XKR9: variants seen among roughly 807,000 people sequenced by gnomAD.
XKR9 encodes the protein XK-related protein 9.
XKR9 carries 32 observed loss-of-function variants against 32.0 expected under a neutral mutation model. The ratio of observed to expected loss-of-function variants is 1.00; its 90% CI spans 0.76 to 1.34. The LOEUF (loss-of-function observed/expected upper bound fraction) is 1.34. Among genes scored for constraint, XKR9 ranks in the 40% most tolerant of loss-of-function variants. The pLI is 0.00. For missense variants in XKR9, 546 were observed against 429.7 expected, an observed-to-expected ratio of 1.27 and a Z score of -2.39; for synonymous variants, 168 against 143.4, an observed-to-expected ratio of 1.17 and a Z score of -1.22.
At chr8:70,990,733 AAGAGAGAGAG>A in the XKR9 span, among the ~76,000 whole-genome samples, 13,309 of 143,264 alleles carry the variant, frequency 0.093, 1,124 homozygotes, top group Admixed American at 0.27. Flanking sequence ...TTGGCAGAAT[AAGAGAGAGAG>A]AGAGAGAGAG....
intron 3 of XKR9, among the ~76,000 whole-genome samples, chr8:70,701,588 A>G (rs1304207518): frequency 6.6e-6 from 1 of 152,202 alleles, no homozygotes; most frequent in Non-Finnish European, 1.5e-5. Flanking sequence ...GACAGTGAGA[A>G]ATGAGCAAAA....
chr8:70,766,282 G>C (rs766737799), intron 2 of XKR9, among the ~76,000 whole-genome samples: 1 of 152,104 alleles, frequency 6.6e-6, no homozygotes, highest in African/African-American at 2.4e-5. Context: ...TTATTTCCTT[G>C]AGCAGTGGTT....
At chr8:70,825,320 C>T in the XKR9 span, among the ~76,000 whole-genome samples, 2 of 151,994 alleles carry the variant, frequency 1.3e-5, no homozygotes, top group African/African-American at 4.8e-5. Flanking sequence ...GCTCAGGTAT[C>T]TTGGAAATTT....
intron 4 of XKR9, among the ~76,000 whole-genome samples, chr8:70,714,363 CACCT>C (rs1449606615): frequency 6.6e-6 from 1 of 151,662 alleles, no homozygotes; most frequent in Non-Finnish European, 1.5e-5. Context: ...AGAAAGCTAA[CACCT>C]ACAAATTTCA....
the XKR9 span, among the ~76,000 whole-genome samples, chr8:70,855,602 G>A: frequency 5.3e-5 from 8 of 152,326 alleles, no homozygotes; most frequent in East Asian, 3.9e-4. Flanking sequence ...GCAGGCCAAC[G>A]TTCAGATTCA....
At chr8:71,050,101 C>A in the XKR9 span, among the ~76,000 whole-genome samples, 1 of 151,438 alleles carries the variant, frequency 6.6e-6, no homozygotes, top group African/African-American at 2.4e-5. Flanking sequence ...GGCTGTGTGA[C>A]CTTGGGCAAA....
intron 4 of XKR9, among the ~76,000 whole-genome samples, chr8:70,720,741 G>A (rs141013837): frequency 0.015 from 2,251 of 152,252 alleles, 48 homozygotes; most frequent in African/African-American, 0.047. Context: ...GTTCATCAGG[G>A]ATATTGGCCT....
chr8:70,813,385 G>A, the XKR9 span, among the ~76,000 whole-genome samples: 1 of 152,070 alleles, frequency 6.6e-6, no homozygotes, highest in Non-Finnish European at 1.5e-5. Context: ...GCATGCGCAA[G>A]GTCTTCATGA....
chr8:70,771,562 C>T (rs1807453815), intron 2 of XKR9, among the ~76,000 whole-genome samples: 2 of 152,160 alleles, frequency 1.3e-5, no homozygotes, highest in Non-Finnish European at 2.9e-5. Context: ...AAGGGACAGG[C>T]CTGTTAATAT....
chr8:70,747,434 T>C (rs950808350), intron 2 of XKR9, among the ~76,000 whole-genome samples: 5 of 152,186 alleles, frequency 3.3e-5, no homozygotes, highest in Non-Finnish European at 5.9e-5. Context: ...TAATGGGTTA[T>C]AATGGGAGTG....
chr8:70,802,121 A>G, the XKR9 span, among the ~76,000 whole-genome samples: 1 of 151,974 alleles, frequency 6.6e-6, no homozygotes, highest in Non-Finnish European at 1.5e-5. Flanking sequence ...TATTTTTAGT[A>G]GACACGGGGT....
the XKR9 span, among the ~76,000 whole-genome samples, chr8:70,916,976 T>C: frequency 6.6e-6 from 1 of 152,216 alleles, no homozygotes; most frequent in Non-Finnish European, 1.5e-5. Context: ...TTCTTTACTG[T>C]TGATATATTT....
intron 3 of XKR9, among the ~76,000 whole-genome samples, chr8:70,702,266 A>C (rs1805565563): frequency 1.3e-5 from 2 of 152,276 alleles, no homozygotes; most frequent in South Asian, 4.1e-4. Flanking sequence ...TTGATTTCTC[A>C]CTTAAATTTA....
the XKR9 span, among the ~76,000 whole-genome samples, chr8:70,945,095 G>A: frequency 6.6e-6 from 1 of 152,194 alleles, no homozygotes; most frequent in Non-Finnish European, 1.5e-5. Context: ...AAAAGTGTTA[G>A]AGGGATGTTT....
At chr8:70,813,213 A>T in the XKR9 span, among the ~76,000 whole-genome samples, 1 of 152,226 alleles carries the variant, frequency 6.6e-6, no homozygotes, top group Non-Finnish European at 1.5e-5. Flanking sequence ...TATTTAATAA[A>T]TGGTGCTGGG....
the XKR9 span, among the ~76,000 whole-genome samples, chr8:70,963,139 C>T: frequency 3.3e-5 from 5 of 152,116 alleles, no homozygotes; most frequent in East Asian, 9.7e-4. Flanking sequence ...CCTGAGAGGC[C>T]CCAGTGTGTG....
chr8:70,803,591 C>A, the XKR9 span, among the ~76,000 whole-genome samples: 6 of 152,040 alleles, frequency 3.9e-5, no homozygotes, highest in African/African-American at 1.4e-4. Flanking sequence ...AAGTTGCTGT[C>A]CTTTGGATGA....
At chr8:70,961,244 G>A in the XKR9 span, among the ~76,000 whole-genome samples, 1 of 152,142 alleles carries the variant, frequency 6.6e-6, no homozygotes, top group East Asian at 1.9e-4. Flanking sequence ...AGTAGAAGCA[G>A]AGGTATAGAG....
downstream of XKR9, among the ~76,000 whole-genome samples, chr8:70,793,124 T>C (rs1163257347): frequency 1.4e-4 from 22 of 152,124 alleles, no homozygotes; most frequent in Admixed American, 1.4e-3. Context: ...GAGGTAGGCA[T>C]TCAAATTCAT....
Sources: gnomAD v4.1 joint callset for allele counts (sites outside exome capture counted in the v4.1 genomes callset) on GRCh38, gnomAD v4.1.1 for gene constraint, MANE v1.5 for transcripts, NCBI Gene and HGNC (gene_info 2026-07-23, HGNC 2026-07-21) for gene names.